Variants in CREBRF observed in about 807,000 individuals in gnomAD.
CREBRF encodes the protein UPF0474 protein C5orf41.
In CREBRF, 5 loss-of-function variants were observed where a neutral mutation model predicts 66.1. The ratio of observed to expected loss-of-function variants is 0.08; its 90% confidence interval spans 0.04 to 0.16. The LOEUF is 0.16. Ranked by LOEUF, CREBRF falls within the 10% of genes least tolerant of loss-of-function variation. The pLI, the probability that CREBRF is intolerant of heterozygous loss-of-function variation, is 1.00. For synonymous variants in CREBRF, 229 were observed against 264.4 expected, an observed-to-expected ratio of 0.87 and a Z score of 1.30; for missense variants, 531 against 744.9, an observed-to-expected ratio of 0.71 and a Z score of 3.34.
intron 8 of CREBRF, among the ~76,000 whole-genome samples, chr5:173,125,013 G>C (rs1759237247): frequency 6.7e-6 from 1 of 149,926 alleles, no homozygotes; most frequent in Admixed American, 6.7e-5. Context: ...CCACCTCCCA[G>C]GTTCAGGTGA....
intron 1 of CREBRF, among the ~76,000 whole-genome samples, chr5:173,073,738 C>A (rs993464708): frequency 5.9e-5 from 9 of 152,280 alleles, no homozygotes; most frequent in Admixed American, 1.3e-4. Flanking sequence ...GAGGCCGAGG[C>A]GGGCGGATCA....
chr5:173,132,321 A>AG (rs1759449821), intron 8 of CREBRF, among the ~76,000 whole-genome samples: 1 of 150,882 alleles, frequency 6.6e-6, no homozygotes, highest in East Asian at 2.0e-4. Flanking sequence ...TCCTGACCTC[A>AG]GGTGATCTGC....
At position 173,138,722 on chromosome 5, in the gene CREBRF, C is replaced by G. The variant is rs1413974153; in HGVS notation, c.*4977C>G. 2.6e-5 allele frequency: 4 copies of G among 152,044 alleles called. No homozygotes were observed. Among genetic ancestry groups the G allele is most frequent in the Non-Finnish European group, 5.9e-5 (4 of 68,022 alleles). The allele number at this position is 152,044 out of a possible 1,614,324, so 9.4% of individuals were successfully genotyped here. On this transcript the variant is annotated 3_prime_UTR_variant, in exon 9 of 9. Coordinates refer to ENST00000296953, the MANE Select transcript of CREBRF (RefSeq NM_153607.3). ...CCTTCGCCCTTTGTTTTTTTCAGAA[C>G]CAAATAACAGAAATGTGTATGTGTG... is the stretch of plus-strand genomic sequence containing the variant.
In CREBRF at chr5:173,098,281, G is replaced by A. The variant is rs189491841; in HGVS notation, c.1222+6880G>A. The stretch of plus-strand genomic sequence containing the variant: ...CTGCTCACTGCAAGCTCCGCCTCCC[G>A]GGTTCAGCCATTCTCCTGCCTCAGC... On this transcript the variant is annotated intron_variant, in intron 4 of 8. Coordinates refer to ENST00000296953, the MANE Select transcript of CREBRF (RefSeq NM_153607.3). Among the ~76,000 whole-genome samples the A allele has an allele frequency of 2.3e-3, 342 of 151,430 alleles. 2 individuals carry two copies. The highest frequency in any genetic ancestry group is 6.6e-3 in the Admixed American group (101 of 15,222).
chr5:173,091,199 T>A lies in CREBRF; in HGVS notation c.1020T>A (p.Phe340Leu). Residue 340 changes from phenylalanine (F) to leucine (L), a missense_variant, in exon 4 of 9, where the codon TTT becomes TTA. This residue lies in a region of CREBRF where 309 missense variants were observed against 341.4 expected (regional missense o/e 0.90). Coordinates refer to ENST00000296953, the MANE Select transcript of CREBRF (RefSeq NM_153607.3). ...QKKEEHNYSLFVSDNLGEQPT... is the reference protein window; with the variant it reads ...QKKEEHNYSLLVSDNLGEQPT... ...AAGAAGAGCACAATTATTCTCTTTT[T>A]GTCTCCGACAACTTGGGTGAACAGC... The A allele has an allele frequency of 1.9e-6, 3 of 1,614,214 alleles. No individual in the cohort carries two copies. Among genetic ancestry groups the A allele is most frequent in the Non-Finnish European group, 2.5e-6 (3 of 1,180,044 alleles).
chr5:173,078,458 T>C (rs1031162948), intron 1 of CREBRF, among the ~76,000 whole-genome samples: 3 of 151,422 alleles, frequency 2.0e-5, no homozygotes, highest in Admixed American at 2.0e-4. Flanking sequence ...AAAAGGTTTA[T>C]GTATTTATTA....
chr5:173,123,490 G>C (rs560332350), intron 8 of CREBRF: 2 of 293,286 alleles, frequency 6.8e-6, no homozygotes, highest in South Asian at 3.6e-5. Context: ...TCCCAGAGCT[G>C]TCAAGCCTGC....
At position 173,132,361 on chromosome 5, in the gene CREBRF, A is replaced by G. The variant is rs1273202128; in HGVS notation, c.1805-1269A>G. 6.9e-5 allele frequency among the ~76,000 whole-genome samples: 10 copies of G among 144,528 alleles called. No homozygotes were observed. The South Asian group carries it at 2.2e-3, about 32-fold the overall frequency. 94.8% of individuals were successfully genotyped at this position (144,528 alleles called of 152,430 possible). A position where few individuals can be genotyped will look rare whatever the true frequency, so the allele number is the denominator to read the frequency against. On this transcript the variant is annotated intron_variant, in intron 8 of 8. Coordinates refer to ENST00000296953, the MANE Select transcript of CREBRF (RefSeq NM_153607.3). Reference sequence around the variant, plus strand: ...CTTGGCCTCCCAAAGCGTTGGTATTACAGGCGTGAGCCACTGCGCCCAGCC... The same window carrying G: ...CTTGGCCTCCCAAAGCGTTGGTATTGCAGGCGTGAGCCACTGCGCCCAGCC...
intron 1 of CREBRF, among the ~76,000 whole-genome samples, chr5:173,072,717 A>C (rs1312094192): frequency 6.6e-6 from 1 of 151,738 alleles, no homozygotes; most frequent in African/African-American, 2.4e-5. Context: ...GCATAAGAAT[A>C]ATTTTAAAAT....
chr5:173,057,806 G>C (rs574737261), intron 1 of CREBRF: 2 of 135,384 alleles, frequency 1.5e-5, no homozygotes, highest in Non-Finnish European at 3.2e-5. Flanking sequence ...GGGCTGGGCG[G>C]GGTTTCTTTT....
At chr5:173,087,238 C>G (rs548601386) in intron 3 of CREBRF, among the ~76,000 whole-genome samples, 2 of 152,102 alleles carry the variant, frequency 1.3e-5, no homozygotes, top group East Asian at 3.9e-4. Context: ...TGAGTCACTG[C>G]GCCCAGCCTA....
intron 4 of CREBRF, among the ~76,000 whole-genome samples, chr5:173,101,913 A>G (rs1022724601): frequency 1.3e-5 from 2 of 152,192 alleles, no homozygotes; most frequent in Non-Finnish European, 2.9e-5. Context: ...CACTATTCCT[A>G]TAATGTGCAT....
At chr5:173,123,847 T>C (rs1309618964) in intron 8 of CREBRF, 1 of 152,278 alleles carries the variant, frequency 6.6e-6, no homozygotes, top group Non-Finnish European at 1.5e-5. Context: ...TATATTTATA[T>C]TGAAAACAAT....
chr5:173,116,170 A>G (rs10067669), intron 7 of CREBRF, among the ~76,000 whole-genome samples: 9,402 of 152,306 alleles, frequency 0.062, 351 homozygotes, highest in Middle Eastern at 0.17. Flanking sequence ...CTGAAGAGGT[A>G]GAGATTAATT....
rs937791536 is a variant in CREBRF, at chr5:173,090,908, C to T, written c.729C>T (p.Asn243=). 5.0e-6 allele frequency: 8 copies of T among 1,614,034 alleles called. No homozygotes were observed. In the Admixed American group the frequency reaches 1.2e-4, roughly 24 times the overall value. The change falls in exon 4 of 9, where the codon AAC becomes AAT. Residue 243 remains asparagine (N), a synonymous_variant. Transcript: ENST00000296953. This position sits in a 1 kb window ranked among gnomAD's most constrained non-coding sequence, Gnocchi z 4.5. ...DYVKKAKVKI[N]PVQQSRPLLS... Reference sequence around the variant, plus strand: ...TAAAAAAGGCAAAGGTAAAGATCAACCCAGTGCAACAGAGCCGGCCCTTGT... The same window carrying T: ...TAAAAAAGGCAAAGGTAAAGATCAATCCAGTGCAACAGAGCCGGCCCTTGT...
chr5:173,135,667 C>T lies in CREBRF; in HGVS notation c.*1922C>T, dbSNP rs1483103113. The T allele has an allele frequency of 6.6e-6, 1 of 151,882 alleles. No homozygotes were observed. Among genetic ancestry groups the T allele is most frequent in the Admixed American group, 6.6e-5 (1 of 15,232 alleles). The allele number at this position is 151,882 out of a possible 1,614,324, so 9.4% of individuals were successfully genotyped here. ...ATAAAGTGTCAAAGTATAATTTGTT[C>T]TTTTCTTTTACTTTGTTACCCCATT... On this transcript the variant is annotated 3_prime_UTR_variant, in exon 9 of 9. Transcript: ENST00000296953.
intron 5 of CREBRF, chr5:173,109,118 G>T: frequency 3.7e-6 from 1 of 271,734 alleles, no homozygotes; most frequent in Non-Finnish European, 6.8e-6. Context: ...TTTCTGACCT[G>T]TCACAGTTGG....
At chr5:173,074,833 C>T (rs1482094397) in intron 1 of CREBRF, among the ~76,000 whole-genome samples, 1 of 152,068 alleles carries the variant, frequency 6.6e-6, no homozygotes, top group African/African-American at 2.4e-5. Flanking sequence ...GTTGGCCAGG[C>T]TGGTCTCGAA....
At chr5:173,116,913 T>C (rs547815343) in intron 7 of CREBRF, among the ~76,000 whole-genome samples, 1 of 151,086 alleles carries the variant, frequency 6.6e-6, no homozygotes, top group South Asian at 2.1e-4. Context: ...TTCTTATTTT[T>C]ACAAATCTAA....
Sources: allele counts gnomAD v4.1 joint callset (sites outside exome capture counted in the v4.1 genomes callset), GRCh38; gene constraint gnomAD v4.1.1; regional missense constraint gnomAD v4.1.1; non-coding constraint Gnocchi (gnomAD v3.1); transcripts MANE v1.5; gene names NCBI Gene and HGNC (gene_info 2026-07-23, HGNC 2026-07-21).